Variants in KBTBD11 observed in about 807,000 individuals in gnomAD.
KBTBD11 encodes the protein kelch repeat and BTB domain-containing protein 11.
For missense variants in KBTBD11, 1,390 were observed against 1,001.8 expected, an observed-to-expected ratio of 1.39 and a Z score of -5.23; for synonymous variants, 747 against 499.0, an observed-to-expected ratio of 1.50 and a Z score of -6.63.
Position 2,004,101 on chromosome 8 carries a change from A to G in KBTBD11, c.*1037A>G, listed in dbSNP as rs1157102020. On this transcript the variant is annotated 3_prime_UTR_variant, in exon 2 of 2. Transcript: ENST00000320248. The stretch of plus-strand genomic sequence containing the variant: ...AGGGAGATTAATTTTTACAATCAGT[A>G]TTCTAAGTGTGGCCGAGTGACAGTG... 1.2e-5 allele frequency: 2 copies of G among 166,964 alleles called. No individual in the cohort carries two copies. The highest frequency in any genetic ancestry group is 4.8e-5 in the African/African-American group (2 of 41,454). The allele number at this position is 166,964 out of a possible 1,614,324, so 10.3% of individuals were successfully genotyped here.
Position 2,002,563 on chromosome 8 carries a change from C to T in KBTBD11, c.1371C>T (p.Gly457=), listed in dbSNP as rs1393661676. The change falls in exon 2 of 2, where the codon GGC becomes GGT. Residue 457 remains glycine, a synonymous_variant. Coordinates refer to ENST00000320248, the MANE Select transcript of KBTBD11 (RefSeq NM_014867.3). The surrounding 1 kb of genome is among the most constrained non-coding windows in gnomAD (Gnocchi z 4.1). ...AVAHEATTCH[G]EIYVSGGSLF... ...CGCATGAGGCCACCACCTGCCACGG[C>T]GAGATCTACGTGTCCGGGGGCTCCC... 1.3e-5 allele frequency: 21 copies of T among 1,578,146 alleles called. No individual in the cohort carries two copies. The highest frequency in any genetic ancestry group is 1.8e-5 in the Non-Finnish European group (21 of 1,171,490).
intron 1 of KBTBD11, among the ~76,000 whole-genome samples, chr8:1,984,789 G>T (rs374033056): frequency 1.3e-5 from 2 of 152,046 alleles, no homozygotes; most frequent in African/African-American, 2.4e-5. Context: ...GTAAAATCTC[G>T]TATCATTAAA....
In KBTBD11 at chr8:2,001,050, AAG is replaced by A; in HGVS notation, c.-142_-141del. 1 of 1,075,204 alleles carries A rather than the reference AAG, an allele frequency of 9.3e-7. No individual in the cohort carries two copies. Among genetic ancestry groups the A allele is most frequent in the Non-Finnish European group, 1.2e-6 (1 of 840,838 alleles). The allele number at this position is 1,075,204 out of a possible 1,614,324, so 66.6% of individuals were successfully genotyped here. ...TCCCCCCTTCACACACACAACAACA[AAG>A]CGTGGACACACAGAAGTGAAATCTG... On this transcript the variant is annotated 5_prime_UTR_variant, in exon 2 of 2. The change creates a premature stop within an existing upstream ORF in the 5' untranslated region. Coordinates refer to ENST00000320248, the MANE Select transcript of KBTBD11 (RefSeq NM_014867.3).
In KBTBD11 at chr8:2,004,126, G is replaced by T. The variant is rs1213962020; in HGVS notation, c.*1062G>T. 6.0e-6 allele frequency: 1 copy of T among 166,940 alleles called. No homozygotes were observed. Among genetic ancestry groups the T allele is most frequent in the Non-Finnish European group, 1.5e-5 (1 of 68,118 alleles). 10.3% of individuals were successfully genotyped at this position (166,940 alleles called of 1,614,324 possible). On this transcript the variant is annotated 3_prime_UTR_variant, in exon 2 of 2. Coordinates refer to ENST00000320248, the MANE Select transcript of KBTBD11 (RefSeq NM_014867.3). ...ATTCTAAGTGTGGCCGAGTGACAGT[G>T]GGCATAGATTTATAACAAGGAAGTG... is the stretch of plus-strand genomic sequence containing the variant.
In KBTBD11 at chr8:1,974,289, C is replaced by T. The variant is rs369667316; in HGVS notation, c.-909+354C>T. Reference sequence around the variant, plus strand: ...AGGCCCTCCCCCGGGACGCGGCAACCCCGGCCGGAAGACAATGAGCCGCCC... The same window carrying T: ...AGGCCCTCCCCCGGGACGCGGCAACTCCGGCCGGAAGACAATGAGCCGCCC... On this transcript the variant is annotated intron_variant, in intron 1 of 1. Transcript: ENST00000320248. 23 of 983,910 alleles carry T rather than the reference C, an allele frequency of 2.3e-5. No homozygotes were observed. The East Asian group carries it at 6.9e-4, about 29-fold the overall frequency. 60.9% of individuals were successfully genotyped at this position (983,910 alleles called of 1,614,324 possible).
intron 1 of KBTBD11, among the ~76,000 whole-genome samples, chr8:1,987,032 AAC>A (rs1491569892): frequency 6.7e-6 from 1 of 149,690 alleles, no homozygotes; most frequent in Non-Finnish European, 1.5e-5. Flanking sequence ...AAAAAAAAAA[AAC>A]CACGCACACA....
Position 2,006,089 on chromosome 8 carries a change from T to C in KBTBD11, c.*3025T>C, listed in dbSNP as rs956144158. 3 of 167,106 alleles carry C rather than the reference T, an allele frequency of 1.8e-5. No homozygotes were observed. Among genetic ancestry groups the C allele is most frequent in the African/African-American group, 7.2e-5 (3 of 41,468 alleles). The allele number at this position is 167,106 out of a possible 1,614,324, so 10.4% of individuals were successfully genotyped here. A position where few individuals can be genotyped will look rare whatever the true frequency, so the allele number is the denominator to read the frequency against. On this transcript the variant is annotated 3_prime_UTR_variant, in exon 2 of 2. Coordinates refer to ENST00000320248, the MANE Select transcript of KBTBD11 (RefSeq NM_014867.3). ...GACTTCTGCTGTAAGAAAATGAATG[T>C]TGTGGAAATTCTTTGGCTACTTAAC...
chr8:1,983,633 C>T (rs1816613629), intron 1 of KBTBD11, among the ~76,000 whole-genome samples: 1 of 152,146 alleles, frequency 6.6e-6, no homozygotes, highest in Non-Finnish European at 1.5e-5. Flanking sequence ...GGACCTGGGG[C>T]AGTTTTGTGC....
rs989870299 is a variant in KBTBD11 at position 2,002,214 on chromosome 8, C to G, written c.1022C>G (p.Thr341Arg). The change falls in exon 2 of 2, where the codon ACG becomes AGG. Residue 341 changes from threonine (T) to arginine (R), a missense_variant. By Grantham distance (71) the Thr-to-Arg change is moderately conservative. Coordinates refer to ENST00000320248, the MANE Select transcript of KBTBD11 (RefSeq NM_014867.3). The surrounding 1 kb of genome is among the most constrained non-coding windows in gnomAD (Gnocchi z 4.1). The stretch of plus-strand genomic sequence containing the variant: ...GCGGCCGGAGAGTGGCGCGAGCTGA[C>G]GCGGCTGCCCGAGGGCGCGCCGGCG... The part of the protein sequence containing the change: ...HAAAGEWREL[T>R]RLPEGAPARG... 4.5e-5 allele frequency: 57 copies of G among 1,261,366 alleles called. No homozygotes were observed. Among genetic ancestry groups the G allele is most frequent in the Non-Finnish European group, 4.9e-5 (49 of 1,007,464 alleles). The allele number at this position is 1,261,366 out of a possible 1,614,324, so 78.1% of individuals were successfully genotyped here. A position where few individuals can be genotyped will look rare whatever the true frequency, so the allele number is the denominator to read the frequency against.
At position 1,993,922 on chromosome 8, in the gene KBTBD11, T is replaced by TACACACACACACACACACAC. The variant is rs57317862; in HGVS notation, c.-908-6345_-908-6326dup. On this transcript the variant is annotated intron_variant, in intron 1 of 1. Coordinates refer to ENST00000320248, the MANE Select transcript of KBTBD11 (RefSeq NM_014867.3). ...CAATATATGAATACACAATACCCCC[T>TACACACACACACACACACAC]ACACACACACACACACACACACACA... Among the ~76,000 whole-genome samples, 810 of 139,754 alleles carry TACACACACACACACACACAC rather than the reference T, an allele frequency of 5.8e-3. 9 individuals are homozygous for TACACACACACACACACACAC. Among genetic ancestry groups the TACACACACACACACACACAC allele is most frequent in the South Asian group, 0.016 (65 of 4,048 alleles). The allele number at this position is 139,754 out of a possible 152,430, so 91.7% of individuals were successfully genotyped here. A position where few individuals can be genotyped will look rare whatever the true frequency, so the allele number is the denominator to read the frequency against.
rs748862863 is a variant in KBTBD11 at position 2,002,990 on chromosome 8, G to C, written c.1798G>C (p.Val600Leu). ...GFEALGAPLD[V>L]RGVLIPFALS... The stretch of plus-strand genomic sequence containing the variant: ...CGAGGCGCTGGGCGCCCCCTTGGAC[G>C]TCCGGGGTGTGCTCATCCCGTTCGC... The change falls in exon 2 of 2, where the codon GTC (valine) becomes CTC (leucine). Residue 600 changes from valine to leucine, a missense_variant. Val to Leu is a conservative substitution (Grantham distance 32). Transcript: ENST00000320248. This position sits in a 1 kb window ranked among gnomAD's most constrained non-coding sequence, Gnocchi z 4.1. 7 of 1,306,942 alleles carry C rather than the reference G, an allele frequency of 5.4e-6. No homozygotes were observed. The highest frequency in any genetic ancestry group is 6.8e-6 in the Non-Finnish European group (7 of 1,028,934). The allele number at this position is 1,306,942 out of a possible 1,614,324, so 81.0% of individuals were successfully genotyped here.
At chr8:1,989,433 A>G (rs967571736) in intron 1 of KBTBD11, among the ~76,000 whole-genome samples, 1 of 152,102 alleles carries the variant, frequency 6.6e-6, no homozygotes, top group East Asian at 1.9e-4. Context: ...CTTGTTTTGG[A>G]CCAAGTTGAC....
At chr8:1,999,627 C>A (rs549039953) in intron 1 of KBTBD11, among the ~76,000 whole-genome samples, 4 of 152,326 alleles carry the variant, frequency 2.6e-5, no homozygotes, top group South Asian at 4.1e-4. Context: ...TTTCCTTTTG[C>A]TGCATTTAGG....
intron 1 of KBTBD11, among the ~76,000 whole-genome samples, chr8:1,981,987 C>A (rs987058022): frequency 6.6e-6 from 1 of 152,214 alleles, no homozygotes; most frequent in Non-Finnish European, 1.5e-5. Context: ...AATCCCCTCT[C>A]ATCTACCGGT....
Position 2,001,790 on chromosome 8 carries a change from C to A in KBTBD11, c.598C>A (p.Arg200=), listed in dbSNP as rs1817374289. Residue 200 remains arginine (R), a synonymous_variant, in exon 2 of 2, where the codon CGG becomes AGG. Coordinates refer to ENST00000320248, the MANE Select transcript of KBTBD11 (RefSeq NM_014867.3). ...DAYSGRMAGV[R]PDNVAEVVAG... ...CTACAGCGGGCGCATGGCGGGCGTGCGGCCCGACAACGTGGCCGAGGTGGT... is the reference window on the plus strand; with the variant it reads ...CTACAGCGGGCGCATGGCGGGCGTGAGGCCCGACAACGTGGCCGAGGTGGT... 1.6e-6 allele frequency: 2 copies of A among 1,259,646 alleles called. No homozygotes were observed. Among genetic ancestry groups the A allele is most frequent in the African/African-American group, 1.6e-5 (1 of 63,590 alleles). 78.0% of individuals were successfully genotyped at this position (1,259,646 alleles called of 1,614,324 possible).
intron 1 of KBTBD11, among the ~76,000 whole-genome samples, chr8:1,999,586 C>T (rs1817267345): frequency 6.6e-6 from 1 of 152,216 alleles, no homozygotes; most frequent in South Asian, 2.1e-4. Context: ...ATCTGCCTTC[C>T]ACATACTTCA....
rs1035123380 is a variant in KBTBD11, at chr8:2,001,088, A to G, written c.-105A>G. The G allele has an allele frequency of 4.8e-6, 6 of 1,250,480 alleles. No homozygotes were observed. The East Asian group carries it at 1.6e-4, about 33-fold the overall frequency. The allele number at this position is 1,250,480 out of a possible 1,614,324, so 77.5% of individuals were successfully genotyped here. On this transcript the variant is annotated 5_prime_UTR_variant, in exon 2 of 2. Coordinates refer to ENST00000320248, the MANE Select transcript of KBTBD11 (RefSeq NM_014867.3). ...CAGAAGTGAAATCTGATCGCGTGCCAGGAAAAGCTGTGAGGCTGGAAACCC... is the reference window on the plus strand; with the variant it reads ...CAGAAGTGAAATCTGATCGCGTGCCGGGAAAAGCTGTGAGGCTGGAAACCC...
chr8:1,976,163 A>T (rs1164175127), intron 1 of KBTBD11: 1 of 152,110 alleles, frequency 6.6e-6, no homozygotes, highest in African/African-American at 2.4e-5. Flanking sequence ...GGGCCCGGAG[A>T]ACAGCGGGTT....
chr8:1,997,139 C>T (rs1252823985), intron 1 of KBTBD11, among the ~76,000 whole-genome samples: 2 of 152,062 alleles, frequency 1.3e-5, no homozygotes, highest in African/African-American at 2.4e-5. Flanking sequence ...AACCCTCCGG[C>T]GGGGGGTGGG....
Sources: gnomAD v4.1 joint callset for allele counts (sites outside exome capture counted in the v4.1 genomes callset) on GRCh38, gnomAD v4.1.1 for gene constraint, Gnocchi (gnomAD v3.1) non-coding constraint, MANE v1.5 for transcripts, NCBI Gene and HGNC (gene_info 2026-07-23, HGNC 2026-07-21) for gene names.